The following MLLT3 variants were observed in gnomAD, a reference collection of about 807,000 sequenced individuals.
MLLT3 encodes the protein MLLT3 super elongation complex subunit.
MLLT3 carries 4 observed loss-of-function variants against 53.2 expected under a neutral mutation model. That is an observed-to-expected ratio of 0.08 (90% CI 0.04 to 0.17). MLLT3 has a LOEUF of 0.17. Among genes scored for constraint, MLLT3 ranks in the 10% least tolerant of loss-of-function variants. MLLT3 has a pLI of 1.00. For missense variants in MLLT3, 569 were observed against 684.0 expected (o/e 0.83, Z 1.87); for synonymous variants, 283 against 230.6 (o/e 1.23, Z -2.06).
intron 6 of MLLT3, among the ~76,000 whole-genome samples, chr9:20,364,273 A>G (rs1198585241): frequency 6.6e-6 from 1 of 152,228 alleles, no homozygotes; most frequent in Non-Finnish European, 1.5e-5. Context: ...TAAATCAGGT[A>G]CACAGAAAAA....
chr9:20,388,393 C>T (rs1822093964), intron 5 of MLLT3, among the ~76,000 whole-genome samples: 1 of 151,900 alleles, frequency 6.6e-6, no homozygotes, highest in African/African-American at 2.4e-5. Flanking sequence ...TCAAGACCAC[C>T]CTGGCTAACA....
intron 5 of MLLT3, among the ~76,000 whole-genome samples, chr9:20,410,894 CTGATT>C (rs1822711239): frequency 2.0e-5 from 3 of 152,166 alleles, no homozygotes. Flanking sequence ...TCAAATTCTT[CTGATT>C]TATTTGTGTC....
chr9:20,470,482 A>G (rs1320666420), intron 2 of MLLT3, among the ~76,000 whole-genome samples: 1 of 152,038 alleles, frequency 6.6e-6, no homozygotes, highest in Non-Finnish European at 1.5e-5. Flanking sequence ...TGCTGATATC[A>G]GCTAATGAAC....
At chr9:20,412,424 C>T (rs907443599) in intron 5 of MLLT3, among the ~76,000 whole-genome samples, 3 of 152,130 alleles carry the variant, frequency 2.0e-5, no homozygotes. Context: ...TGCTACTGTC[C>T]TAATCTGATC....
chr9:20,497,295 T>A (rs975278919), intron 2 of MLLT3, among the ~76,000 whole-genome samples: 1 of 152,190 alleles, frequency 6.6e-6, no homozygotes, highest in Non-Finnish European at 1.5e-5. Flanking sequence ...TTAACCACAA[T>A]TGACATTAAA....
chr9:20,386,728 C>T (rs1246238623), intron 5 of MLLT3, among the ~76,000 whole-genome samples: 1 of 152,160 alleles, frequency 6.6e-6, no homozygotes, highest in Non-Finnish European at 1.5e-5. Context: ...GTAAGAAATG[C>T]TAACCGGATT....
At chr9:20,500,038 T>C (rs1022155991) in intron 2 of MLLT3, among the ~76,000 whole-genome samples, 5 of 152,244 alleles carry the variant, frequency 3.3e-5, no homozygotes, top group Admixed American at 6.5e-5. Flanking sequence ...AAGAAACATG[T>C]TCCAATTATC....
chr9:20,375,503 C>G (rs59264833), intron 5 of MLLT3, among the ~76,000 whole-genome samples: 28,222 of 151,854 alleles, frequency 0.19, 6,472 homozygotes, highest in African/African-American at 0.54. Flanking sequence ...TTCATCCCAG[C>G]GGAGTTAATG....
intron 8 of MLLT3, among the ~76,000 whole-genome samples, chr9:20,359,321 C>G (rs1171201032): frequency 6.6e-6 from 1 of 152,130 alleles, no homozygotes; most frequent in Non-Finnish European, 1.5e-5. Context: ...TTACTTTCCT[C>G]TGAAATGCCT....
At chr9:20,496,516 G>C (rs1258164991) in intron 2 of MLLT3, among the ~76,000 whole-genome samples, 1 of 152,108 alleles carries the variant, frequency 6.6e-6, no homozygotes, top group Non-Finnish European at 1.5e-5. Flanking sequence ...GAGTACAGGG[G>C]AGGTTAGGTT....
intron 2 of MLLT3, among the ~76,000 whole-genome samples, chr9:20,568,158 A>G (rs1211316221): frequency 1.3e-5 from 2 of 152,194 alleles, no homozygotes; most frequent in African/African-American, 4.8e-5. Context: ...AGATATTTAT[A>G]GATTAAAAGA....
chr9:20,467,116 A>G (rs1824255886), intron 2 of MLLT3, among the ~76,000 whole-genome samples: 2 of 152,198 alleles, frequency 1.3e-5, no homozygotes, highest in Admixed American at 6.5e-5. Context: ...TTAAAAAACA[A>G]AAAGAGAGAG....
At chr9:20,612,736 A>G (rs1820732273) in intron 2 of MLLT3, among the ~76,000 whole-genome samples, 1 of 152,170 alleles carries the variant, frequency 6.6e-6, no homozygotes, top group South Asian at 2.1e-4. Context: ...AGAAATGTAA[A>G]TGAAAACAAA....
intron 2 of MLLT3, among the ~76,000 whole-genome samples, chr9:20,477,779 G>C (rs1824563222): frequency 6.6e-6 from 1 of 152,092 alleles, no homozygotes; most frequent in Non-Finnish European, 1.5e-5. Flanking sequence ...CCAATGGTAT[G>C]AGTTATTTTT....
At chr9:20,446,885 C>T (rs1465114878) in intron 4 of MLLT3, among the ~76,000 whole-genome samples, 1 of 152,052 alleles carries the variant, frequency 6.6e-6, no homozygotes, top group Admixed American at 6.6e-5. Context: ...CCATAGAATA[C>T]TCTAAGTGGC....
intron 2 of MLLT3, among the ~76,000 whole-genome samples, chr9:20,499,333 C>G (rs1456880740): frequency 6.6e-6 from 1 of 152,080 alleles, no homozygotes; most frequent in Non-Finnish European, 1.5e-5. Flanking sequence ...TATAACTCAG[C>G]CCATAACAGG....
chr9:20,440,379 T>C (rs191392706), intron 4 of MLLT3, among the ~76,000 whole-genome samples: 43 of 152,294 alleles, frequency 2.8e-4, no homozygotes, highest in Admixed American at 1.1e-3. Context: ...CAGACATTTG[T>C]TTCTTAAAGT....
At chr9:20,381,162 C>T (rs983713484) in intron 5 of MLLT3, among the ~76,000 whole-genome samples, 3 of 151,832 alleles carry the variant, frequency 2.0e-5, no homozygotes, top group Admixed American at 1.3e-4. Context: ...TATTTTAAAC[C>T]TTTAGATATT....
intron 2 of MLLT3, among the ~76,000 whole-genome samples, chr9:20,516,896 T>C (rs1434399283): frequency 6.6e-6 from 1 of 152,236 alleles, no homozygotes; most frequent in Non-Finnish European, 1.5e-5. Flanking sequence ...TCATGCATTT[T>C]AAGCATCTAC....
Sources: allele counts gnomAD v4.1 joint callset (sites outside exome capture counted in the v4.1 genomes callset), GRCh38; gene constraint gnomAD v4.1.1; transcripts MANE v1.5; gene names NCBI Gene and HGNC (gene_info 2026-07-23, HGNC 2026-07-21).